Variants in KCNMB2 observed in about 807,000 individuals in gnomAD.
KCNMB2 encodes the protein potassium calcium-activated channel subfamily M regulatory beta subunit 2.
KCNMB2 carries 9 observed loss-of-function variants against 24.5 expected under a neutral mutation model. The observed-to-expected ratio is 0.37, with a 90% CI of 0.22 to 0.64. The LOEUF (loss-of-function observed/expected upper bound fraction) is 0.64. Among genes scored for constraint, KCNMB2 ranks in the 30% least tolerant of loss-of-function variants. The pLI is 0.63. For missense variants in KCNMB2, 226 were observed against 284.3 expected (o/e 0.79, Z 1.47); for synonymous variants, 109 against 104.4 (o/e 1.04, Z -0.27).
At chr3:178,770,587 A>C (rs1248626428) in intron 1 of KCNMB2, among the ~76,000 whole-genome samples, 1 of 152,208 alleles carries the variant, frequency 6.6e-6, no homozygotes, top group African/African-American at 2.4e-5. Context: ...CATTATTTTT[A>C]CCAACATAAA....
intron 1 of KCNMB2, among the ~76,000 whole-genome samples, chr3:178,688,624 T>A (rs1721553538): frequency 6.6e-6 from 1 of 152,114 alleles, no homozygotes; most frequent in Non-Finnish European, 1.5e-5. Context: ...AATCTGCAAT[T>A]TCAGGAAAAA....
chr3:178,781,784 C>T (rs1033084724), intron 1 of KCNMB2, among the ~76,000 whole-genome samples: 1 of 147,118 alleles, frequency 6.8e-6, no homozygotes, highest in Non-Finnish European at 1.5e-5. Context: ...CATGAAACCG[C>T]TTTTTTTTTT....
intron 1 of KCNMB2, among the ~76,000 whole-genome samples, chr3:178,620,891 G>T (rs933237593): frequency 6.6e-6 from 1 of 152,210 alleles, no homozygotes; most frequent in Non-Finnish European, 1.5e-5. Flanking sequence ...AGCAAAATTA[G>T]TTAAGAGTTT....
rs544196851 is a variant in KCNMB2 at position 178,589,469 on chromosome 3, T to G, written c.-68+52758T>G. The stretch of plus-strand genomic sequence containing the variant: ...TCCTTGGGGGGAGGGGGAGGTTGTG[T>G]TTTTTTTGTTGTTGTTTGTTTGTTT... On this transcript the variant is annotated intron_variant, in intron 1 of 4. Transcript: ENST00000452583. Among the ~76,000 whole-genome samples the G allele has an allele frequency of 4.0e-5, 6 of 151,788 alleles. No individual in the cohort carries two copies. The South Asian group carries it at 1.2e-3, about 32-fold the overall frequency.
At chr3:178,781,159 C>A (rs964734749) in intron 1 of KCNMB2, among the ~76,000 whole-genome samples, 46 of 151,872 alleles carry the variant, frequency 3.0e-4, no homozygotes, top group African/African-American at 1.1e-3. Context: ...TTTCCTATTT[C>A]TTTTATTATT....
chr3:178,760,231 TATATCCAAGAGGATATATCTATATATAG>T (rs1711760921), intron 1 of KCNMB2, among the ~76,000 whole-genome samples: 1 of 68,930 alleles, frequency 1.5e-5, no homozygotes, highest in Non-Finnish European at 2.5e-5. Flanking sequence ...TATATATAGA[TATATCCAAGAGGATATATCTATATATAG>T]ATATATCCAA....
chr3:178,728,561 T>C (rs1050414592), intron 1 of KCNMB2, among the ~76,000 whole-genome samples: 1 of 151,282 alleles, frequency 6.6e-6, no homozygotes, highest in Non-Finnish European at 1.5e-5. Context: ...AGATCAGCTT[T>C]GGGATGAATC....
intron 1 of KCNMB2, among the ~76,000 whole-genome samples, chr3:178,572,387 GTGCTATCTTGTCTGTTTTTATCTATA>G (rs1237204867): frequency 6.6e-6 from 1 of 152,128 alleles, no homozygotes; most frequent in African/African-American, 2.4e-5. Flanking sequence ...CAAAGAACAA[GTGCTATCTTGTCTGTTTTTATCTATA>G]TGCTACTCTC....
At chr3:178,637,093 C>T (rs533592810) in intron 1 of KCNMB2, among the ~76,000 whole-genome samples, 1 of 152,102 alleles carries the variant, frequency 6.6e-6, no homozygotes, top group Non-Finnish European at 1.5e-5. Flanking sequence ...TTTTGTTTAT[C>T]CAATCTATCA....
intron 1 of KCNMB2, among the ~76,000 whole-genome samples, chr3:178,800,827 A>G (rs1337053771): frequency 6.6e-6 from 1 of 152,162 alleles, no homozygotes; most frequent in African/African-American, 2.4e-5. Flanking sequence ...CATATACACA[A>G]TGAAGTACTA....
chr3:178,562,839 T>C (rs1041637685), intron 1 of KCNMB2, among the ~76,000 whole-genome samples: 1 of 152,170 alleles, frequency 6.6e-6, no homozygotes, highest in African/African-American at 2.4e-5. Context: ...GGGGACCAAG[T>C]TGAGTGAAAG....
intron 1 of KCNMB2, among the ~76,000 whole-genome samples, chr3:178,564,050 C>T (rs1397516710): frequency 6.6e-6 from 1 of 151,882 alleles, no homozygotes; most frequent in Non-Finnish European, 1.5e-5. Flanking sequence ...GGAGGCAAGG[C>T]AGGTGGATCA....
At chr3:178,597,259 G>T (rs192058011) in intron 1 of KCNMB2, among the ~76,000 whole-genome samples, 105 of 152,208 alleles carry the variant, frequency 6.9e-4, no homozygotes, top group African/African-American at 2.4e-3. Context: ...TGATTGTGGG[G>T]CACTCTGGAA....
chr3:178,789,521 G>A (rs945742908), intron 1 of KCNMB2, among the ~76,000 whole-genome samples: 1 of 152,238 alleles, frequency 6.6e-6, no homozygotes, highest in African/African-American at 2.4e-5. Flanking sequence ...AGGAAAAACA[G>A]TCTTGAATTG....
intron 1 of KCNMB2, among the ~76,000 whole-genome samples, chr3:178,774,438 C>A (rs1313390111): frequency 6.6e-6 from 1 of 152,152 alleles, no homozygotes; most frequent in Non-Finnish European, 1.5e-5. Flanking sequence ...TTGGGGAATC[C>A]ATTAAATCTA....
chr3:178,839,573 C>T (rs530321229), intron 4 of KCNMB2, among the ~76,000 whole-genome samples: 2 of 152,132 alleles, frequency 1.3e-5, no homozygotes, highest in African/African-American at 2.4e-5. Context: ...GTTTAGTTGA[C>T]TCATGGTTCT....
chr3:178,770,939 G>T (rs982019107), intron 1 of KCNMB2, among the ~76,000 whole-genome samples: 1 of 152,080 alleles, frequency 6.6e-6, no homozygotes, highest in African/African-American at 2.4e-5. Flanking sequence ...TAATTTGGGG[G>T]TAAATGAATA....
At chr3:178,587,133 C>T (rs1368494450) in intron 1 of KCNMB2, among the ~76,000 whole-genome samples, 2 of 152,068 alleles carry the variant, frequency 1.3e-5, no homozygotes, top group African/African-American at 4.8e-5. Context: ...GAACTCTATT[C>T]TGCTCTCTGG....
rs183141992 is a variant in KCNMB2 at position 178,543,925 on chromosome 3, G to A, written c.-68+7214G>A. Among the ~76,000 whole-genome samples, 144 of 151,952 alleles carry A rather than the reference G, an allele frequency of 9.5e-4. 1 individual carries two copies. The highest frequency in any genetic ancestry group is 1.6e-3 in the Non-Finnish European group (109 of 67,956). On this transcript the variant is annotated intron_variant, in intron 1 of 4. Transcript: ENST00000452583. ...AATACTCTGTGCATAATTCTACCACGGTCCTTAATACATTATGCTGTGATA... is the reference window on the plus strand; with the variant it reads ...AATACTCTGTGCATAATTCTACCACAGTCCTTAATACATTATGCTGTGATA...
Sources: allele counts gnomAD v4.1 joint callset (sites outside exome capture counted in the v4.1 genomes callset), GRCh38; gene constraint gnomAD v4.1.1; transcripts MANE v1.5; gene names NCBI Gene and HGNC (gene_info 2026-07-23, HGNC 2026-07-21).